Variants in HEXB observed in about 807,000 individuals in gnomAD.
HEXB encodes the protein hexosaminidase subunit beta.
HEXB carries 51 observed loss-of-function variants against 71.2 expected under a neutral mutation model. That is an observed-to-expected ratio of 0.72 (90% CI 0.57 to 0.90). HEXB has a LOEUF of 0.90. Among genes scored for constraint, HEXB ranks in the 40% least tolerant of loss-of-function variants. The pLI is 0.00. For synonymous variants in HEXB, 266 were observed against 249.3 expected, an observed-to-expected ratio of 1.07 and a Z score of -0.63; for missense variants, 617 against 677.0, an observed-to-expected ratio of 0.91 and a Z score of 0.98.
chr5:74,646,120 G>A (rs897365832), intron 1 of HEXB, among the ~76,000 whole-genome samples: 7 of 151,944 alleles, frequency 4.6e-5, no homozygotes, highest in Admixed American at 2.0e-4. Context: ...CTGGCTGGAA[G>A]GTTGTTTTGT....
At chr5:74,698,338 T>C (rs943571944) in intron 5 of HEXB, among the ~76,000 whole-genome samples, 2 of 151,910 alleles carry the variant, frequency 1.3e-5, no homozygotes, top group East Asian at 3.9e-4. Flanking sequence ...CCTCCCAAAG[T>C]GCTGGGATTG....
At chr5:74,660,601 C>G (rs1748300733) in intron 1 of HEXB, among the ~76,000 whole-genome samples, 1 of 152,222 alleles carries the variant, frequency 6.6e-6, no homozygotes, top group African/African-American at 2.4e-5. Context: ...TGCTCCCAAT[C>G]CCAGTCAATG....
intron 5 of HEXB, among the ~76,000 whole-genome samples, chr5:74,701,869 G>A (rs1453216589): frequency 6.6e-6 from 1 of 151,814 alleles, no homozygotes; most frequent in Non-Finnish European, 1.5e-5. Flanking sequence ...TTAAAAAAAG[G>A]ACATTTAATA....
At chr5:74,717,172 C>A (rs923843076) in intron 9 of HEXB, among the ~76,000 whole-genome samples, 4 of 152,090 alleles carry the variant, frequency 2.6e-5, no homozygotes, top group African/African-American at 9.7e-5. Context: ...CAGAGTGAGA[C>A]TGTCTCAATC....
In HEXB at chr5:74,641,627, T is replaced by G. The variant is rs560568254; in HGVS notation, c.-377+1069T>G. On this transcript the variant is annotated intron_variant, in intron 1 of 13. Transcript: ENST00000511181. The surrounding 1 kb of genome is among the most constrained non-coding windows in gnomAD (Gnocchi z 4.1). ...TCGGTGGTGTTAGTTTGGAGTTCAG[T>G]AAAGAAATGGCCCAGCACACACACA... Among the ~76,000 whole-genome samples the G allele has an allele frequency of 6.6e-6, 1 of 152,214 alleles. No individual in the cohort carries two copies. Among genetic ancestry groups the G allele is most frequent in the Non-Finnish European group, 1.5e-5 (1 of 68,010 alleles).
At position 74,661,145 on chromosome 5, in the gene HEXB, T is replaced by C. The variant is rs539646115; in HGVS notation, c.-377+20587T>C. On this transcript the variant is annotated intron_variant, in intron 1 of 13. Transcript: ENST00000511181. Reference sequence around the variant, plus strand: ...GCTGCTGAGAAGTTGCCTCTCTGGCTTTTGGGATGACAAGCCCAGAGCTAT... The same window carrying C: ...GCTGCTGAGAAGTTGCCTCTCTGGCCTTTGGGATGACAAGCCCAGAGCTAT... Among the ~76,000 whole-genome samples, 4 of 152,314 alleles carry C rather than the reference T, an allele frequency of 2.6e-5. No homozygotes were observed. In the South Asian group the frequency reaches 8.3e-4, roughly 32 times the overall value.
chr5:74,644,492 A>G (rs1270285331), intron 1 of HEXB, among the ~76,000 whole-genome samples: 1 of 152,214 alleles, frequency 6.6e-6, no homozygotes, highest in Non-Finnish European at 1.5e-5. Flanking sequence ...TTCCATCAGC[A>G]ATCCTCTTAT....
At chr5:74,700,001 C>CTTTTTTTTTTTTTTTTT (rs58177670) in intron 5 of HEXB, among the ~76,000 whole-genome samples, 1 of 40,364 alleles carries the variant, frequency 2.5e-5, no homozygotes, top group African/African-American at 9.9e-5. Context: ...TGTAAGTTTC[C>CTTTTTTTTTTTTTTTTT]TTTTTTTTTT....
chr5:74,671,105 G>A (rs1748529194), intron 1 of HEXB, among the ~76,000 whole-genome samples: 1 of 151,972 alleles, frequency 6.6e-6, no homozygotes, highest in South Asian at 2.1e-4. Context: ...GGGATAGGGT[G>A]GTACACAGAA....
chr5:74,711,991 T>C (rs1303415290), intron 6 of HEXB, among the ~76,000 whole-genome samples: 1 of 148,228 alleles, frequency 6.7e-6, no homozygotes, highest in Admixed American at 6.9e-5. Flanking sequence ...CGTATGTTTA[T>C]TGTGGCACTA....
At chr5:74,646,137 A>C (rs547019758) in intron 1 of HEXB, among the ~76,000 whole-genome samples, 1 of 152,246 alleles carries the variant, frequency 6.6e-6, no homozygotes, top group East Asian at 1.9e-4. Context: ...TTGTGGATTA[A>C]ATAAATTAGT....
At chr5:74,682,918 T>C (rs1354640114), upstream of HEXB, among the ~76,000 whole-genome samples, 1 of 152,074 alleles carries the variant, frequency 6.6e-6, no homozygotes, top group East Asian at 1.9e-4. Context: ...ATTTAATCAG[T>C]TTTACATGAC....
intron 1 of HEXB, among the ~76,000 whole-genome samples, chr5:74,658,713 T>C (rs1184846280): frequency 6.6e-6 from 1 of 152,204 alleles, no homozygotes; most frequent in Non-Finnish European, 1.5e-5. Flanking sequence ...GATTCACTTT[T>C]GGAACCTTCC....
At chr5:74,642,661 G>T (rs543720206) in intron 1 of HEXB, among the ~76,000 whole-genome samples, 2 of 151,914 alleles carry the variant, frequency 1.3e-5, no homozygotes, top group African/African-American at 4.8e-5. Flanking sequence ...AATGGACTAT[G>T]TACATAGCTC....
intron 3 of HEXB, among the ~76,000 whole-genome samples, 198 bp from the exon 4 acceptor site, chr5:74,696,494 AT>A (rs892286759): frequency 1.3e-5 from 2 of 151,648 alleles, no homozygotes; most frequent in Non-Finnish European, 2.9e-5. Flanking sequence ...AGTGCAATGG[AT>A]TTTTTTTTAA....
intron 1 of HEXB, among the ~76,000 whole-genome samples, chr5:74,688,171 C>A (rs963832773): frequency 1.3e-5 from 2 of 151,462 alleles, no homozygotes; most frequent in South Asian, 4.2e-4. Flanking sequence ...ATATTTAATG[C>A]CTTTACAGAA....
chr5:74,697,456 T>C, intron 5 of HEXB, among the ~76,000 whole-genome samples: 1 of 152,180 alleles, frequency 6.6e-6, no homozygotes, highest in Non-Finnish European at 1.5e-5. Flanking sequence ...CCAGGTGCGG[T>C]GGCTTACACT....
At chr5:74,702,421 A>G (rs1749286593) in intron 5 of HEXB, among the ~76,000 whole-genome samples, 1 of 152,158 alleles carries the variant, frequency 6.6e-6, no homozygotes, top group African/African-American at 2.4e-5. Context: ...AGTATAGGCC[A>G]GTTGCTTTGT....
intron 1 of HEXB, among the ~76,000 whole-genome samples, chr5:74,674,837 T>C (rs1381524726): frequency 6.6e-6 from 1 of 152,158 alleles, no homozygotes; most frequent in Non-Finnish European, 1.5e-5. Context: ...CTCAGTTCTC[T>C]GTAACTAAGC....
Sources: allele counts gnomAD v4.1 joint callset (sites outside exome capture counted in the v4.1 genomes callset), GRCh38; gene constraint gnomAD v4.1.1; non-coding constraint Gnocchi (gnomAD v3.1); transcripts MANE v1.5; gene names NCBI Gene and HGNC (gene_info 2026-07-23, HGNC 2026-07-21).